The following CATSPERE variants were observed in gnomAD, a reference collection of about 807,000 sequenced individuals.
CATSPERE encodes catsper channel auxiliary subunit epsilon.
In CATSPERE, 93 loss-of-function variants were observed where a neutral mutation model predicts 114.1. The ratio of observed to expected loss-of-function variants is 0.81; its 90% CI spans 0.69 to 0.97. The LOEUF (loss-of-function observed/expected upper bound fraction) is 0.97, where lower values mean the gene tolerates loss of function less well. Among genes scored for constraint, CATSPERE ranks in the 50% least tolerant of loss-of-function variants. CATSPERE has a pLI of 0.00. For missense variants in CATSPERE, 1,058 were observed against 1,131.6 expected (o/e 0.93, Z 0.93); for synonymous variants, 341 against 384.1 (o/e 0.89, Z 1.31).
intron 8 of CATSPERE, among the ~76,000 whole-genome samples, chr1:244,544,871 G>A (rs1659472741): frequency 6.6e-6 from 1 of 152,174 alleles, no homozygotes; most frequent in South Asian, 2.1e-4. Context: ...TTATTGATCT[G>A]GCAAATGCTT....
intron 20 of CATSPERE, 116 bp downstream of exon 20, chr1:244,617,802 C>T: frequency 1.1e-6 from 1 of 943,528 alleles, no homozygotes; most frequent in Non-Finnish European, 1.5e-6. Flanking sequence ...TACATATTTG[C>T]TTTTTCATTT....
In CATSPERE at chr1:244,572,255, G is replaced by A. The variant is rs60438869; in HGVS notation, c.1508-75G>A. On this transcript the variant is annotated intron_variant, in intron 10 of 21. Coordinates refer to ENST00000366534, the MANE Select transcript of CATSPERE (RefSeq NM_001130957.2). ...GGTCATTATCAAAGAAATTATTTTG[G>A]TTAAAAGTACACTTAACTAAAACAG... 2.9e-3 allele frequency: 2,158 copies of A among 757,184 alleles called. 38 individuals are homozygous for A. The African/African-American group carries it at 0.033, about 11-fold the overall frequency. The allele number at this position is 757,184 out of a possible 1,614,324, so 46.9% of individuals were successfully genotyped here.
intron 6 of CATSPERE, among the ~76,000 whole-genome samples, chr1:244,495,068 C>G (rs571958340): frequency 3.3e-5 from 5 of 152,170 alleles, no homozygotes; most frequent in African/African-American, 1.2e-4. Context: ...ACAGAAATGC[C>G]TATAGAAAAT....
intron 8 of CATSPERE, among the ~76,000 whole-genome samples, chr1:244,527,097 C>T (rs1009152948): frequency 6.6e-6 from 1 of 152,170 alleles, no homozygotes; most frequent in Non-Finnish European, 1.5e-5. Flanking sequence ...TCATGTCCAA[C>T]TGGGCACGCA....
At chr1:244,564,499 T>C (rs1364593131) in intron 10 of CATSPERE, among the ~76,000 whole-genome samples, 1 of 152,226 alleles carries the variant, frequency 6.6e-6, no homozygotes, top group Non-Finnish European at 1.5e-5. Context: ...AGGTATTTTA[T>C]GCTCTTTGTA....
chr1:244,567,182 C>A (rs1663706179), intron 10 of CATSPERE, among the ~76,000 whole-genome samples: 1 of 152,224 alleles, frequency 6.6e-6, no homozygotes, highest in Non-Finnish European at 1.5e-5. Context: ...CCCCCACTCT[C>A]TTCTGGCTTG....
intron 5 of CATSPERE, among the ~76,000 whole-genome samples, chr1:244,486,432 A>G (rs1006257296): frequency 0.036 from 1,727 of 47,360 alleles, no homozygotes; most frequent in Middle Eastern, 0.048. Flanking sequence ...AGCGTGTGGA[A>G]TACTCGTGGG....
intron 7 of CATSPERE, among the ~76,000 whole-genome samples, chr1:244,515,957 G>A (rs1676539499): frequency 6.6e-6 from 1 of 151,476 alleles, no homozygotes; most frequent in South Asian, 2.1e-4. Flanking sequence ...ACTTTGGAAG[G>A]CTGAGGCAGG....
At chr1:244,495,954 A>C (rs368892834) in intron 6 of CATSPERE, among the ~76,000 whole-genome samples, 5 of 152,388 alleles carry the variant, frequency 3.3e-5, no homozygotes, top group Admixed American at 6.5e-5. Flanking sequence ...GCAAGCAGTC[A>C]AACACATAGC....
chr1:244,605,255 C>T (rs997006333), intron 17 of CATSPERE, among the ~76,000 whole-genome samples: 2 of 152,138 alleles, frequency 1.3e-5, no homozygotes, highest in East Asian at 3.8e-4. Context: ...CCTGCTGTGC[C>T]CTTGCTCTGC....
At chr1:244,606,508 A>G (rs1450784864) in intron 18 of CATSPERE, among the ~76,000 whole-genome samples, 1 of 151,216 alleles carries the variant, frequency 6.6e-6, no homozygotes, top group African/African-American at 2.4e-5. Context: ...TCTACCAGAC[A>G]CCTTAATTAT....
intron 2 of CATSPERE, among the ~76,000 whole-genome samples, chr1:244,473,781 G>A (rs1323459392): frequency 1.3e-5 from 2 of 151,976 alleles, no homozygotes; most frequent in Non-Finnish European, 2.9e-5. Flanking sequence ...CTTGCTGTGT[G>A]AGTTAAGCCC....
intron 7 of CATSPERE, among the ~76,000 whole-genome samples, chr1:244,506,552 C>G (rs527913513): frequency 6.6e-6 from 1 of 152,144 alleles, no homozygotes; most frequent in Non-Finnish European, 1.5e-5. Context: ...GCCTCACTAA[C>G]ACTTGTTTTG....
intron 8 of CATSPERE, among the ~76,000 whole-genome samples, chr1:244,521,184 T>C (rs1677485718): frequency 6.6e-6 from 1 of 151,906 alleles, no homozygotes; most frequent in Admixed American, 6.6e-5. Context: ...AGAGACCCCA[T>C]CTCTATACAA....
intron 20 of CATSPERE, among the ~76,000 whole-genome samples, chr1:244,631,633 T>C (rs544940193): frequency 6.6e-6 from 1 of 152,226 alleles, no homozygotes; most frequent in South Asian, 2.1e-4. Flanking sequence ...GATTTAAAAA[T>C]GGGCAAAAGA....
rs536416653 is a variant in CATSPERE at position 244,566,396 on chromosome 1, G to A, written c.1507+5251G>A. Among the ~76,000 whole-genome samples, 288 of 152,080 alleles carry A rather than the reference G, an allele frequency of 1.9e-3. 2 individuals carry two copies. Among genetic ancestry groups the A allele is most frequent in the Non-Finnish European group, 2.0e-3 (137 of 67,986 alleles). On this transcript the variant is annotated intron_variant, in intron 10 of 21. Transcript: ENST00000366534. ...GATATCCTTGTTAATTTTCTCTCTC[G>A]TCGATCTGTCTGGTATTGACAGTGG...
intron 13 of CATSPERE, among the ~76,000 whole-genome samples, chr1:244,584,431 G>A (rs536400213): frequency 6.6e-6 from 1 of 152,028 alleles, no homozygotes; most frequent in South Asian, 2.1e-4. Context: ...GACCAGTGAT[G>A]AATAGGTAGA....
intron 20 of CATSPERE, among the ~76,000 whole-genome samples, chr1:244,627,869 AT>A (rs1173051383): frequency 6.6e-6 from 1 of 152,240 alleles, no homozygotes; most frequent in East Asian, 1.9e-4. Flanking sequence ...TAGATTTTAA[AT>A]TGCATGCCAT....
At chr1:244,626,623 G>C (rs1673238593) in intron 20 of CATSPERE, among the ~76,000 whole-genome samples, 1 of 152,046 alleles carries the variant, frequency 6.6e-6, no homozygotes. Flanking sequence ...ATCAGTGGCT[G>C]CAGCTTCTCC....
Sources: allele counts gnomAD v4.1 joint callset (sites outside exome capture counted in the v4.1 genomes callset), GRCh38; gene constraint gnomAD v4.1.1; transcripts MANE v1.5; gene names NCBI Gene and HGNC (gene_info 2026-07-23, HGNC 2026-07-21).